SIL1: variants seen among roughly 807,000 people sequenced by gnomAD.
SIL1 encodes the protein nucleotide exchange factor SIL1.
A neutral mutation model predicts 49.1 loss-of-function variants in SIL1; 40 were observed. The observed-to-expected ratio is 0.81, with a 90% CI of 0.63 to 1.06. The LOEUF (loss-of-function observed/expected upper bound fraction) is 1.06, where lower values mean the gene tolerates loss of function less well. Among genes scored for constraint, SIL1 ranks in the 50% least tolerant of loss-of-function variants. The pLI, the probability that SIL1 is intolerant of heterozygous loss-of-function variation, is 0.00. For missense variants in SIL1, 500 were observed against 572.6 expected (o/e 0.87, Z 1.29); for synonymous variants, 253 against 250.8 (o/e 1.01, Z -0.08).
intron 1 of SIL1, among the ~76,000 whole-genome samples, chr5:139,191,007 A>AG (rs1167703826): frequency 6.6e-6 from 1 of 151,976 alleles, no homozygotes; most frequent in Non-Finnish European, 1.5e-5. Flanking sequence ...CGGGGTGAGC[A>AG]GATTACCTGA....
intron 1 of SIL1, among the ~76,000 whole-genome samples, chr5:139,165,034 C>A (rs1396762784): frequency 2.0e-5 from 3 of 152,192 alleles, no homozygotes; most frequent in African/African-American, 4.8e-5. Context: ...GAATCCCCTA[C>A]CCCCTTGTTT....
chr5:139,090,751 C>T (rs1770326434), intron 3 of SIL1, among the ~76,000 whole-genome samples: 1 of 152,106 alleles, frequency 6.6e-6, no homozygotes. Flanking sequence ...ACTACAGGCA[C>T]GCACCACTAC....
Position 138,954,680 on chromosome 5 carries a change from C to T in SIL1, c.768-2796G>A, listed in dbSNP as rs116752661. On this transcript the variant is annotated intron_variant, in intron 7 of 9. Transcript: ENST00000394817. ...ATCTGCTCCTAGAAACAGACCCTCT[C>T]GCCAGTCAGCTCTGCCTTGGGCTTT... 3.0e-3 allele frequency among the ~76,000 whole-genome samples: 460 copies of T among 152,350 alleles called. 1 individual carries two copies. The highest frequency in any genetic ancestry group is 0.01 in the African/African-American group (425 of 41,584).
intron 5 of SIL1, among the ~76,000 whole-genome samples, chr5:139,033,888 G>A (rs1280131185): frequency 6.6e-6 from 1 of 152,188 alleles, no homozygotes; most frequent in Non-Finnish European, 1.5e-5. Flanking sequence ...CCGCTGTCTA[G>A]TAGTTCTAGC....
intron 1 of SIL1, among the ~76,000 whole-genome samples, chr5:139,187,449 A>G (rs978339987): frequency 1.3e-5 from 2 of 151,750 alleles, no homozygotes; most frequent in African/African-American, 4.8e-5. Flanking sequence ...CCCGGGAGGC[A>G]GAGGTTGCAA....
At chr5:139,065,192 G>C (rs1387312934) in intron 3 of SIL1, among the ~76,000 whole-genome samples, 2 of 152,058 alleles carry the variant, frequency 1.3e-5, no homozygotes, top group South Asian at 4.1e-4. Context: ...AAACTGAGAG[G>C]GCAGCAAATG....
At chr5:139,021,419 T>C (rs1768525280) in intron 6 of SIL1, 127 bp from the exon 7 acceptor site, 10 of 1,421,772 alleles carry the variant, frequency 7.0e-6, no homozygotes, top group East Asian at 2.5e-5. Context: ...AATGGCCTTT[T>C]TGACTAAGAA....
At chr5:138,968,944 T>A (rs1331224724) in intron 7 of SIL1, among the ~76,000 whole-genome samples, 1 of 152,116 alleles carries the variant, frequency 6.6e-6, no homozygotes, top group African/African-American at 2.4e-5. Flanking sequence ...CCCATCTCCC[T>A]GCACTTTGAT....
intron 1 of SIL1, among the ~76,000 whole-genome samples, chr5:139,150,372 G>C (rs1483026034): frequency 6.6e-6 from 1 of 152,004 alleles, no homozygotes; most frequent in African/African-American, 2.4e-5. Context: ...GGAAACCCAA[G>C]AGCTCTCAAT....
chr5:139,121,237 T>C, intron 2 of SIL1, 64 bp from the exon 3 acceptor site: 1 of 1,606,454 alleles, frequency 6.2e-7, no homozygotes, highest in Non-Finnish European at 8.5e-7. Flanking sequence ...AGAAAAAAAA[T>C]GGCCTAGGGT....
chr5:139,073,360 A>C (rs1769877350), intron 3 of SIL1, among the ~76,000 whole-genome samples: 1 of 152,224 alleles, frequency 6.6e-6, no homozygotes, highest in Non-Finnish European at 1.5e-5. Context: ...TAACCATAAA[A>C]AATAAGGAAA....
At chr5:139,057,190 C>A (rs1446864960) in intron 3 of SIL1, among the ~76,000 whole-genome samples, 1 of 151,300 alleles carries the variant, frequency 6.6e-6, no homozygotes, top group African/African-American at 2.4e-5. Context: ...CGGAAGGCCG[C>A]AGAGTCCTCT....
chr5:139,152,673 T>C (rs373031573), intron 1 of SIL1, among the ~76,000 whole-genome samples: 16 of 151,396 alleles, frequency 1.1e-4, no homozygotes, highest in African/African-American at 3.2e-4. Context: ...GATTACTCTA[T>C]AGCCAGACCA....
At chr5:139,186,545 G>T (rs1008168112) in intron 1 of SIL1, among the ~76,000 whole-genome samples, 1 of 152,110 alleles carries the variant, frequency 6.6e-6, no homozygotes, top group African/African-American at 2.4e-5. Flanking sequence ...CACCCATGAC[G>T]ATAGGCTGAG....
At chr5:139,085,491 A>G (rs115581078) in intron 3 of SIL1, among the ~76,000 whole-genome samples, 1,838 of 152,306 alleles carry the variant, frequency 0.012, 35 homozygotes, top group African/African-American at 0.041. Flanking sequence ...AGCTGTTGGC[A>G]TGGCTTTGAA....
At chr5:139,153,951 C>T (rs1054373222) in intron 1 of SIL1, among the ~76,000 whole-genome samples, 4 of 152,166 alleles carry the variant, frequency 2.6e-5, no homozygotes, top group African/African-American at 9.7e-5. Context: ...CCAGCCCAGA[C>T]CCAACTTCTT....
chr5:139,149,188 C>T (rs1025475794), intron 1 of SIL1, among the ~76,000 whole-genome samples: 5 of 152,138 alleles, frequency 3.3e-5, no homozygotes, highest in East Asian at 3.9e-4. Context: ...TGGTTACACA[C>T]CCACGCCAAA....
In SIL1 at chr5:139,170,077, C is replaced by T. The variant is rs551281764; in HGVS notation, c.-11+28192G>A. ...GGAGACGGGGTTTCGCTGTGTTGGCCGGGCTGGTCTCCAGCTCCTAACCGC... is the reference window on the plus strand; with the variant it reads ...GGAGACGGGGTTTCGCTGTGTTGGCTGGGCTGGTCTCCAGCTCCTAACCGC... On this transcript the variant is annotated intron_variant, in intron 1 of 9. Transcript: ENST00000394817. Among the ~76,000 whole-genome samples the T allele has an allele frequency of 7.7e-3, 1,172 of 151,764 alleles. 5 individuals carry two copies. Among genetic ancestry groups the T allele is most frequent in the Non-Finnish European group, 0.013 (856 of 67,842 alleles).
At chr5:139,097,867 T>C (rs1456596040) in intron 3 of SIL1, among the ~76,000 whole-genome samples, 2 of 152,122 alleles carry the variant, frequency 1.3e-5, no homozygotes, top group Non-Finnish European at 2.9e-5. Flanking sequence ...AAATTAAATA[T>C]CTAGGAATTA....
Sources: allele counts gnomAD v4.1 joint callset (sites outside exome capture counted in the v4.1 genomes callset), GRCh38; gene constraint gnomAD v4.1.1; transcripts MANE v1.5; gene names NCBI Gene and HGNC (gene_info 2026-07-23, HGNC 2026-07-21).